The following TG variants were observed in gnomAD, a reference collection of about 807,000 sequenced individuals.
TG encodes thyroid hormones.
Under a neutral mutation model 324.7 loss-of-function variants are expected in TG, and 270 were observed. The observed-to-expected ratio is 0.83, with a 90% CI of 0.75 to 0.92. The LOEUF (loss-of-function observed/expected upper bound fraction) is 0.92. Ranked by LOEUF, TG falls within the 40% of genes least tolerant of loss-of-function variation. The probability of loss-of-function intolerance (pLI) is 0.00; values close to 1 mark genes in which losing one functional copy is unlikely to be tolerated. For missense variants in TG, 3,591 were observed against 3,456.4 expected, an observed-to-expected ratio of 1.04 and a Z score of -0.98; for synonymous variants, 1,401 against 1,327.0, an observed-to-expected ratio of 1.06 and a Z score of -1.21.
chr8:132,977,084 C>T (rs1830260136), intron 34 of TG, among the ~76,000 whole-genome samples: 1 of 152,192 alleles, frequency 6.6e-6, no homozygotes, highest in African/African-American at 2.4e-5. Context: ...ACATTGGATT[C>T]TATTTTCTCT....
rs1587683869 is a variant in TG, at chr8:132,984,916, G to A, written c.6262+1504G>A. ...GAGATCACACTGTTCTCCAGCCTGA[G>A]CAACACAGCCTCCATCTCAAAAAAA... On this transcript the variant is annotated intron_variant, in intron 35 of 47. Transcript: ENST00000220616. Among the ~76,000 whole-genome samples the A allele has an allele frequency of 6.2e-5, 9 of 145,818 alleles. No individual in the cohort carries two copies. The South Asian group carries it at 2.0e-3, about 32-fold the overall frequency.
intron 35 of TG, among the ~76,000 whole-genome samples, chr8:132,989,698 T>C (rs1304697786): frequency 6.6e-6 from 1 of 152,234 alleles, no homozygotes; most frequent in Non-Finnish European, 1.5e-5. Flanking sequence ...TGCCTTTGCC[T>C]GTGCCCGTGG....
chr8:133,022,406 G>T (rs1372180883), intron 40 of TG, among the ~76,000 whole-genome samples: 1 of 152,146 alleles, frequency 6.6e-6, no homozygotes, highest in African/African-American at 2.4e-5. Context: ...ATCTTGTGAT[G>T]TGTGTGTATG....
At chr8:133,057,707 A>C (rs1841697662) in intron 41 of TG, among the ~76,000 whole-genome samples, 1 of 152,042 alleles carries the variant, frequency 6.6e-6, no homozygotes, top group Non-Finnish European at 1.5e-5. Context: ...TAGGTTTAAG[A>C]CATTAGTTCC....
intron 41 of TG, among the ~76,000 whole-genome samples, chr8:133,054,830 G>C (rs781282764): frequency 6.6e-6 from 1 of 152,166 alleles, no homozygotes; most frequent in Non-Finnish European, 1.5e-5. Context: ...CAGGCCTTAC[G>C]GGACTTAGTC....
chr8:132,981,471 T>G (rs910791743), intron 34 of TG, among the ~76,000 whole-genome samples: 5 of 152,234 alleles, frequency 3.3e-5, no homozygotes, highest in African/African-American at 4.8e-5. Flanking sequence ...AGCCTGGTTC[T>G]GTGAGTCTCT....
Position 132,886,628 on chromosome 8 carries a change from C to G in TG, c.1256C>G (p.Ser419Cys). The G allele has an allele frequency of 1.2e-6, 2 of 1,614,204 alleles. No homozygotes were observed. The highest frequency in any genetic ancestry group is 1.7e-6 in the Non-Finnish European group (2 of 1,180,046). ...PPTIKELFVD[S>C]GLLRPMVEGQ... ...ACGATCAAGGAGCTCTTTGTGGACTCTGGGCTTCTCCGCCCAATGGTGGAG... is the reference window on the plus strand; with the variant it reads ...ACGATCAAGGAGCTCTTTGTGGACTGTGGGCTTCTCCGCCCAATGGTGGAG... Residue 419 changes from serine to cysteine, a missense_variant, in exon 9 of 48, where the codon TCT (serine) becomes TGT (cysteine). Transcript: ENST00000220616.
intron 41 of TG, among the ~76,000 whole-genome samples, chr8:133,072,593 C>T (rs1264382104): frequency 6.6e-6 from 1 of 152,166 alleles, no homozygotes; most frequent in Non-Finnish European, 1.5e-5. Context: ...TCTCTCAGAG[C>T]TGGGAGAAAT....
rs117493856 is a variant in TG, at chr8:132,903,059, G to A, written c.3634+1506G>A. On this transcript the variant is annotated intron_variant, in intron 16 of 47. Coordinates refer to ENST00000220616, the MANE Select transcript of TG (RefSeq NM_003235.5). ...AGGTGGAGCAGCCAGGATTTAACCC[G>A]GAGTCCTGCTGATGAAACCCTCTGC... 7.1e-3 allele frequency among the ~76,000 whole-genome samples: 1,078 copies of A among 152,258 alleles called. 8 individuals are homozygous for A. The highest frequency in any genetic ancestry group is 0.012 in the South Asian group (60 of 4,822).
chr8:132,982,942 A>G (rs776805187), intron 34 of TG, among the ~76,000 whole-genome samples: 1 of 152,210 alleles, frequency 6.6e-6, no homozygotes, highest in Admixed American at 6.5e-5. Context: ...GTCATGAGAA[A>G]AGAAATGATG....
intron 46 of TG, among the ~76,000 whole-genome samples, chr8:133,132,864 A>G (rs1852047408): frequency 6.6e-6 from 1 of 152,200 alleles, no homozygotes; most frequent in Non-Finnish European, 1.5e-5. Flanking sequence ...TATATAAGCA[A>G]AGAAGAAGAA....
At chr8:132,930,608 G>C (rs1175466664) in intron 23 of TG, among the ~76,000 whole-genome samples, 1 of 151,832 alleles carries the variant, frequency 6.6e-6, no homozygotes, top group Non-Finnish European at 1.5e-5. Context: ...CTTGAACCTG[G>C]TGGGAGGTGG....
In TG at chr8:132,898,176, C is replaced by T; in HGVS notation, c.3147C>T (p.Cys1049=). 6.2e-7 allele frequency: 1 copy of T among 1,602,458 alleles called. No individual in the cohort carries two copies. Among genetic ancestry groups the T allele is most frequent in the Non-Finnish European group, 8.5e-7 (1 of 1,174,146 alleles). The change falls in exon 13 of 48, where the codon TGC becomes TGT. Residue 1049 remains cysteine (C), a synonymous_variant. Coordinates refer to ENST00000220616, the MANE Select transcript of TG (RefSeq NM_003235.5). ...CCCTTGGCTCTTTTCCAGGGCACTG[C>T]TGGTGTGTAGATGAGAAAGGAGGGT... The part of the protein sequence containing the change: ...PVQCHAGTGH[C]WCVDEKGGFI...
At chr8:132,937,043 G>C (rs1406370616) in intron 25 of TG, among the ~76,000 whole-genome samples, 1 of 152,240 alleles carries the variant, frequency 6.6e-6, no homozygotes, top group Non-Finnish European at 1.5e-5. Context: ...ATGTGAAACT[G>C]TTAGGACAGG....
intron 4 of TG, among the ~76,000 whole-genome samples, chr8:132,871,909 T>C (rs1839514456): frequency 1.3e-5 from 2 of 152,130 alleles, no homozygotes; most frequent in South Asian, 4.1e-4. Context: ...ATGATGATGG[T>C]CCCATAAGAT....
At chr8:133,090,961 G>A (rs911150188) in intron 41 of TG, among the ~76,000 whole-genome samples, 2 of 152,110 alleles carry the variant, frequency 1.3e-5, no homozygotes, top group Non-Finnish European at 2.9e-5. Flanking sequence ...TGCAGCCTAG[G>A]CTCAAATCCT....
At chr8:133,077,136 C>T (rs1480628098) in intron 41 of TG, among the ~76,000 whole-genome samples, 1 of 152,128 alleles carries the variant, frequency 6.6e-6, no homozygotes, top group Admixed American at 6.5e-5. Context: ...AGGAAGCCAG[C>T]CCTGGGACAA....
chr8:133,018,255 G>A (rs1485452731), intron 38 of TG, among the ~76,000 whole-genome samples: 1 of 152,238 alleles, frequency 6.6e-6, no homozygotes, highest in Non-Finnish European at 1.5e-5. Flanking sequence ...CAGTGATTCA[G>A]GGACGCAGGC....
At chr8:132,958,293 A>G (rs1383791051) in intron 27 of TG, among the ~76,000 whole-genome samples, 2 of 152,228 alleles carry the variant, frequency 1.3e-5, no homozygotes, top group Non-Finnish European at 2.9e-5. Flanking sequence ...CTATATGAGT[A>G]TATAGGTTAT....
Sources: allele counts gnomAD v4.1 joint callset (sites outside exome capture counted in the v4.1 genomes callset), GRCh38; gene constraint gnomAD v4.1.1; transcripts MANE v1.5; gene names NCBI Gene and HGNC (gene_info 2026-07-23, HGNC 2026-07-21).